Variants in MACROD2 observed in about 807,000 individuals in gnomAD.
The protein encoded by MACROD2 is mono-ADP ribosylhydrolase 2.
A neutral mutation model predicts 70.4 loss-of-function variants in MACROD2; 36 were observed. The observed-to-expected ratio is 0.51, with a 90% CI of 0.39 to 0.68. The LOEUF (loss-of-function observed/expected upper bound fraction) is 0.68, where lower values mean the gene tolerates loss of function less well. Ranked by LOEUF, MACROD2 falls within the 30% of genes least tolerant of loss-of-function variation. The pLI is 0.00. For synonymous variants in MACROD2, 172 were observed against 178.8 expected, an observed-to-expected ratio of 0.96 and a Z score of 0.30; for missense variants, 496 against 538.4, an observed-to-expected ratio of 0.92 and a Z score of 0.78.
At chr20:15,076,146 A>T (rs528887431) in intron 5 of MACROD2, among the ~76,000 whole-genome samples, 297 of 152,246 alleles carry the variant, frequency 2.0e-3, no homozygotes, top group Non-Finnish European at 3.2e-3. Flanking sequence ...TGCCTATACA[A>T]TTTTGTGTTC....
chr20:15,295,299 A>T (rs772776482), intron 6 of MACROD2, among the ~76,000 whole-genome samples: 1 of 152,168 alleles, frequency 6.6e-6, no homozygotes, highest in Non-Finnish European at 1.5e-5. Context: ...GTATTTCTTC[A>T]TATCAATATG....
At chr20:14,410,516 T>C (rs539594336) in intron 3 of MACROD2, among the ~76,000 whole-genome samples, 10 of 152,288 alleles carry the variant, frequency 6.6e-5, no homozygotes, top group African/African-American at 2.4e-4. Context: ...TTTAGGATGA[T>C]GGCCTTTAGC....
At chr20:14,601,170 G>T (rs925215045) in intron 4 of MACROD2, among the ~76,000 whole-genome samples, 7 of 152,190 alleles carry the variant, frequency 4.6e-5, no homozygotes, top group African/African-American at 1.4e-4. Flanking sequence ...AGTAGGCACA[G>T]TGTTGAGCAG....
At chr20:15,914,264 G>C (rs550137523) in intron 10 of MACROD2, among the ~76,000 whole-genome samples, 9 of 152,290 alleles carry the variant, frequency 5.9e-5, no homozygotes, top group African/African-American at 1.9e-4. Context: ...CTATCGCAGA[G>C]CAATTTCTGT....
intron 4 of MACROD2, among the ~76,000 whole-genome samples, chr20:14,659,444 G>T (rs1040538889): frequency 3.9e-5 from 6 of 152,210 alleles, no homozygotes; most frequent in African/African-American, 1.4e-4. Context: ...GATGTCTTTT[G>T]AGGGAGCTTT....
rs534771327 is a variant in MACROD2, at chr20:15,642,636, ACACACG to A, written c.645+142790_645+142795del. On this transcript the variant is annotated intron_variant, in intron 8 of 17. Coordinates refer to ENST00000684519, the MANE Select transcript of MACROD2 (RefSeq NM_001351661.2). ...CACACACACACACACACACACACACACACACGTGTGCATGCAAGAAAAACAAACAAA... is the reference window on the plus strand; with the variant it reads ...CACACACACACACACACACACACACATGTGCATGCAAGAAAAACAAACAAA... 4.4e-3 allele frequency among the ~76,000 whole-genome samples: 515 copies of A among 117,272 alleles called. 4 individuals are homozygous for A. Among genetic ancestry groups the A allele is most frequent in the Admixed American group, 0.016 (185 of 11,328 alleles). The allele number at this position is 117,272 out of a possible 152,430, so 76.9% of individuals were successfully genotyped here.
Position 15,075,538 on chromosome 20 carries a change from T to G in MACROD2, c.419-154402T>G, listed in dbSNP as rs572090367. ...TTCCTTGTAAATTCTCTGAGGGGTG[T>G]AAGCACCCTCTCTGCTGTCTATAAC... On this transcript the variant is annotated intron_variant, in intron 5 of 17. Transcript: ENST00000684519. Among the ~76,000 whole-genome samples the G allele has an allele frequency of 6.6e-5, 10 of 152,274 alleles. No homozygotes were observed. The East Asian group carries it at 1.9e-3, about 29-fold the overall frequency.
At chr20:15,278,148 A>G (rs2077409921) in intron 6 of MACROD2, among the ~76,000 whole-genome samples, 1 of 152,212 alleles carries the variant, frequency 6.6e-6, no homozygotes, top group African/African-American at 2.4e-5. Context: ...TCTGATGCCT[A>G]ACAATGCATA....
At chr20:15,055,011 G>A (rs146053469) in intron 5 of MACROD2, among the ~76,000 whole-genome samples, 98 of 145,364 alleles carry the variant, frequency 6.7e-4, no homozygotes, top group East Asian at 6.6e-3. Context: ...GTGCAATGGT[G>A]TGATCTTGGC....
At position 15,017,734 on chromosome 20, in the gene MACROD2, C is replaced by G. The variant is rs185969291; in HGVS notation, c.419-212206C>G. The stretch of plus-strand genomic sequence containing the variant: ...ACCTCAATTCTAGACTTCTGTGCAC[C>G]TGCAGGCTCAACACCACATGGAAAC... On this transcript the variant is annotated intron_variant, in intron 5 of 17. Transcript: ENST00000684519. Among the ~76,000 whole-genome samples, 214 of 152,330 alleles carry G rather than the reference C, an allele frequency of 1.4e-3. 2 individuals are homozygous for G. The highest frequency in any genetic ancestry group is 5.1e-3 in the African/African-American group (210 of 41,580).
chr20:15,079,270 C>T (rs1381381607), intron 5 of MACROD2, among the ~76,000 whole-genome samples: 1 of 152,016 alleles, frequency 6.6e-6, no homozygotes, highest in Non-Finnish European at 1.5e-5. Context: ...TGACTACTTT[C>T]TTAATTCTTG....
At chr20:15,083,728 G>A (rs80105236) in intron 5 of MACROD2, among the ~76,000 whole-genome samples, 1,776 of 152,082 alleles carry the variant, frequency 0.012, 21 homozygotes, top group Middle Eastern at 0.021. Flanking sequence ...TTTATTAAAG[G>A]TTTCTCCAAG....
chr20:15,222,941 A>C (rs561331827), intron 5 of MACROD2, among the ~76,000 whole-genome samples: 1 of 152,320 alleles, frequency 6.6e-6, no homozygotes, highest in Non-Finnish European at 1.5e-5. Flanking sequence ...TTCAATTTAC[A>C]CTTTTGGAAA....
chr20:14,536,812 T>A (rs1485321381), intron 4 of MACROD2, among the ~76,000 whole-genome samples: 1 of 152,222 alleles, frequency 6.6e-6, no homozygotes, highest in Non-Finnish European at 1.5e-5. Flanking sequence ...CAAAATGACT[T>A]GGTGCCCATC....
rs144340107 is a variant in MACROD2 at position 14,784,132 on chromosome 20, G to A, written c.418+99173G>A. 2.8e-4 allele frequency among the ~76,000 whole-genome samples: 43 copies of A among 152,214 alleles called. No homozygotes were observed. The East Asian group carries it at 3.7e-3, about 13-fold the overall frequency. ...AAACACAGGATTGCAATCACATTGC[G>A]TAGACTGGATATTCTCTTCCTCGCT... On this transcript the variant is annotated intron_variant, in intron 5 of 17. Transcript: ENST00000684519.
intron 5 of MACROD2, among the ~76,000 whole-genome samples, chr20:14,747,655 G>A (rs879118011): frequency 6.6e-6 from 1 of 151,994 alleles, no homozygotes; most frequent in Non-Finnish European, 1.5e-5. Flanking sequence ...GCTCTTGCTC[G>A]GGTGGAAGGA....
chr20:14,012,470 T>G (rs1367906778), intron 2 of MACROD2, among the ~76,000 whole-genome samples: 1 of 152,246 alleles, frequency 6.6e-6, no homozygotes. Context: ...TTTTCGGACC[T>G]GCGGGCATAG....
intron 5 of MACROD2, among the ~76,000 whole-genome samples, chr20:15,004,098 C>T (rs1355043436): frequency 6.6e-6 from 1 of 152,164 alleles, no homozygotes; most frequent in Non-Finnish European, 1.5e-5. Flanking sequence ...TAAAAAAGGC[C>T]TAACCGGGGA....
chr20:14,162,437 A>T (rs942193186), intron 3 of MACROD2, among the ~76,000 whole-genome samples: 1 of 152,124 alleles, frequency 6.6e-6, no homozygotes, highest in Non-Finnish European at 1.5e-5. Flanking sequence ...TTTTCTATCT[A>T]GAGGCTAATT....
Sources: allele counts gnomAD v4.1 joint callset (sites outside exome capture counted in the v4.1 genomes callset), GRCh38; gene constraint gnomAD v4.1.1; transcripts MANE v1.5; gene names NCBI Gene and HGNC (gene_info 2026-07-23, HGNC 2026-07-21).